Variants in ITGA2 observed in about 807,000 individuals in gnomAD.
ITGA2 encodes integrin subunit alpha 2, also known as integrin alpha-2.
In ITGA2, 101 loss-of-function variants were observed where a neutral mutation model predicts 146.3. The observed-to-expected ratio is 0.69, with a 90% CI of 0.59 to 0.81. The LOEUF (loss-of-function observed/expected upper bound fraction) is 0.81. Ranked by LOEUF, ITGA2 falls within the 40% of genes least tolerant of loss-of-function variation. The pLI, the probability that ITGA2 is intolerant of heterozygous loss-of-function variation, is 0.00. For synonymous variants in ITGA2, 477 were observed against 487.1 expected, an observed-to-expected ratio of 0.98 and a Z score of 0.27; for missense variants, 1,281 against 1,402.7, an observed-to-expected ratio of 0.91 and a Z score of 1.39.
rs531394832 is a variant in ITGA2, at chr5:53,090,521, C to A, written c.3468C>A (p.Leu1156=). ...TTCTTATATCATCACCTTTACAGCT[C>A]GGCTTCTTCAAAAGAAAATATGAAA... ...LLALVAILWK[L]GFFKRKYEKM... Residue 1156 remains leucine (L), a splice_region_variant and synonymous_variant, in exon 30 of 30, where the codon CTC becomes CTA. Transcript: ENST00000296585. The A allele has an allele frequency of 1.2e-6, 2 of 1,613,566 alleles. No individual in the cohort carries two copies. Among genetic ancestry groups the A allele is most frequent in the Non-Finnish European group, 1.7e-6 (2 of 1,179,678 alleles).
Position 53,073,249 on chromosome 5 carries a change from T to TCTCC in ITGA2, c.2564_2567dup (p.Val858AlafsTer3), listed in dbSNP as rs1325297185. 1.2e-6 allele frequency: 2 copies of TCTCC among 1,612,368 alleles called. No individual in the cohort carries two copies. The highest frequency in any genetic ancestry group is 2.2e-5 in the South Asian group (2 of 91,068). ...TCAGAAAACTTGTTTTTTGCATCATTCTCCCTGCCGGTATGTGATGAGACC... is the reference window on the plus strand; with the variant it reads ...TCAGAAAACTTGTTTTTTGCATCATTCTCCCTCCCTGCCGGTATGTGATGAGACC... On this transcript the variant is annotated frameshift_variant, in exon 20 of 30. Coordinates refer to ENST00000296585, the MANE Select transcript of ITGA2 (RefSeq NM_002203.4). LOFTEE classifies it high-confidence loss of function.
chr5:53,001,222 T>C (rs1387698730), intron 1 of ITGA2, among the ~76,000 whole-genome samples: 1 of 152,156 alleles, frequency 6.6e-6, no homozygotes, highest in African/African-American at 2.4e-5. Flanking sequence ...TTCATTTGCT[T>C]CTATTGAGAC....
chr5:53,080,261 AT>A (rs1206757032), intron 24 of ITGA2, among the ~76,000 whole-genome samples: 1 of 152,140 alleles, frequency 6.6e-6, no homozygotes, highest in Non-Finnish European at 1.5e-5. Context: ...GGAGTTACTT[AT>A]ATCCTACTGC....
chr5:53,076,403 A>G (rs1364207165), intron 23 of ITGA2, among the ~76,000 whole-genome samples: 1 of 152,032 alleles, frequency 6.6e-6, no homozygotes, highest in Non-Finnish European at 1.5e-5. Context: ...CTTGAGCCAA[A>G]CAGCAAAGAT....
chr5:53,053,348 C>T (rs947722410), intron 7 of ITGA2, among the ~76,000 whole-genome samples: 2 of 152,114 alleles, frequency 1.3e-5, no homozygotes, highest in African/African-American at 4.8e-5. Context: ...GTTTTTTGGG[C>T]CAGGCCATCT....
rs772960858 is a variant in ITGA2 at position 53,078,849 on chromosome 5, GT to G, written c.2904del (p.Pro969GlnfsTer7). 6 of 1,608,162 alleles carry G rather than the reference GT, an allele frequency of 3.7e-6. No homozygotes were observed. Among genetic ancestry groups the G allele is most frequent in the Non-Finnish European group, 5.1e-6 (6 of 1,175,222 alleles). On this transcript the variant is annotated frameshift_variant, in exon 24 of 30. Transcript: ENST00000296585. LOFTEE classifies it high-confidence loss of function. ...ATCGTGCACAGTTTTGAAGATGTTG[GT>G]CCAAAATTCATCTTCTCCCTGAAGG... ...PSIVHSFEDV[G>X]PKFIFSLKVT...
At chr5:53,000,184 C>A (rs1001242720) in intron 1 of ITGA2, among the ~76,000 whole-genome samples, 1 of 152,036 alleles carries the variant, frequency 6.6e-6, no homozygotes, top group African/African-American at 2.4e-5. Flanking sequence ...TTGTTTTCAC[C>A]ACTGTACAGT....
intron 23 of ITGA2, among the ~76,000 whole-genome samples, chr5:53,076,063 G>A (rs950418535): frequency 9.9e-5 from 15 of 151,976 alleles, no homozygotes; most frequent in African/African-American, 1.7e-4. Flanking sequence ...CTAATAGGTC[G>A]ATATCACTTT....
Position 53,065,965 on chromosome 5 carries a change from T to C in ITGA2, c.1931T>C (p.Val644Ala). The C allele has an allele frequency of 6.2e-7, 1 of 1,611,926 alleles. No individual in the cohort carries two copies. The highest frequency in any genetic ancestry group is 8.5e-7 in the Non-Finnish European group (1 of 1,178,578). ...TDVSIGAFGQVVQLWSQSIAD... is the reference protein window; with the variant it reads ...TDVSIGAFGQAVQLWSQSIAD... ...GTGTCTATTGGTGCCTTTGGACAAG[T>C]GGTTCAACTCTGGTGAGTCAGGAAG... is the stretch of plus-strand genomic sequence containing the variant. The change falls in exon 15 of 30, where the codon GTG (valine) becomes GCG (alanine). Residue 644 changes from valine (V) to alanine (A), a missense_variant. By Grantham distance (64) the Val-to-Ala change is moderately conservative. Coordinates refer to ENST00000296585, the MANE Select transcript of ITGA2 (RefSeq NM_002203.4).
chr5:53,026,329 CTTG>C lies in ITGA2; in HGVS notation c.65-413_65-411del, dbSNP rs1355873473. Among the ~76,000 whole-genome samples the C allele has an allele frequency of 3.9e-5, 6 of 152,198 alleles. No individual in the cohort carries two copies. The East Asian group carries it at 7.7e-4, about 20-fold the overall frequency. ...CCCTTGCCCTTGGGTGGCTTAGAGT[CTTG>C]TTGTTTTGGGAAGGACAAATATAAC... On this transcript the variant is annotated intron_variant, in intron 1 of 29. Coordinates refer to ENST00000296585, the MANE Select transcript of ITGA2 (RefSeq NM_002203.4).
intron 1 of ITGA2, among the ~76,000 whole-genome samples, chr5:53,004,211 A>T (rs531448798): frequency 6.6e-6 from 1 of 152,268 alleles, no homozygotes; most frequent in African/African-American, 2.4e-5. Flanking sequence ...CCACTGCACT[A>T]AATGAACATA....
intron 1 of ITGA2, among the ~76,000 whole-genome samples, chr5:53,023,912 G>T (rs184338182): frequency 6.6e-6 from 1 of 152,318 alleles, no homozygotes; most frequent in East Asian, 1.9e-4. Context: ...ATAGAGAATT[G>T]AGATTGTCCA....
intron 16 of ITGA2, among the ~76,000 whole-genome samples, chr5:53,069,293 A>C (rs545238671): frequency 1.8e-4 from 28 of 151,926 alleles, no homozygotes; most frequent in Non-Finnish European, 4.0e-4. Context: ...AGTTATTATC[A>C]CATAATTTTT....
At chr5:53,045,612 CAATT>C (rs1307412920) in intron 4 of ITGA2, among the ~76,000 whole-genome samples, 2 of 151,758 alleles carry the variant, frequency 1.3e-5, no homozygotes, top group Non-Finnish European at 2.9e-5. Context: ...GCTTTTGGAA[CAATT>C]AATTGATTAA....
At chr5:52,999,054 T>TAGTAACAAGTAACTCTA (rs2111683373) in intron 1 of ITGA2, among the ~76,000 whole-genome samples, 1 of 152,386 alleles carries the variant, frequency 6.6e-6, no homozygotes, top group African/African-American at 2.4e-5. Flanking sequence ...AGGATAGCTC[T>TAGTAACAAGTAACTCTA]GTTGACAAGT....
intron 2 of ITGA2, among the ~76,000 whole-genome samples, chr5:53,032,544 T>G (rs1743274433): frequency 6.6e-6 from 1 of 152,174 alleles, no homozygotes; most frequent in Admixed American, 6.6e-5. Flanking sequence ...GGGAAGCTAA[T>G]GCAAAATGAG....
Position 53,064,987 on chromosome 5 carries a change from G to A in ITGA2, c.1678G>A (p.Ala560Thr). The A allele has an allele frequency of 6.2e-7, 1 of 1,612,926 alleles. No individual in the cohort carries two copies. ...CACTCGATTTGGTTCAGCAATTGCAGCTCTTTCAGACATCAACATGGATGG... is the reference window on the plus strand; with the variant it reads ...CACTCGATTTGGTTCAGCAATTGCAACTCTTTCAGACATCAACATGGATGG... ...ENTRFGSAIAALSDINMDGFN... is the reference protein window; with the variant it reads ...ENTRFGSAIATLSDINMDGFN... Residue 560 changes from alanine to threonine, a missense_variant, in exon 14 of 30, where the codon GCT becomes ACT. Transcript: ENST00000296585.
intron 27 of ITGA2, among the ~76,000 whole-genome samples, chr5:53,085,834 C>T (rs1476663672): frequency 6.6e-6 from 1 of 152,196 alleles, no homozygotes; most frequent in Non-Finnish European, 1.5e-5. Flanking sequence ...CTGCATTCCG[C>T]TTCACAGTAG....
chr5:53,010,863 G>C lies in ITGA2; in HGVS notation c.65-15885G>C, dbSNP rs183855097. Among the ~76,000 whole-genome samples the C allele has an allele frequency of 3.0e-4, 46 of 152,176 alleles. No homozygotes were observed. In the East Asian group the frequency reaches 7.5e-3, roughly 25 times the overall value. ...AGGATCTTGAGATGAAAACATCCTG[G>C]ATTATCTGGGTGAGAGCTAAATCCA... On this transcript the variant is annotated intron_variant, in intron 1 of 29. Coordinates refer to ENST00000296585, the MANE Select transcript of ITGA2 (RefSeq NM_002203.4).
Sources: gnomAD v4.1 joint callset for allele counts (sites outside exome capture counted in the v4.1 genomes callset) on GRCh38, gnomAD v4.1.1 for gene constraint, MANE v1.5 for transcripts, NCBI Gene and HGNC (gene_info 2026-07-23, HGNC 2026-07-21) for gene names.